The following CSMD1 variants were observed in gnomAD, a reference collection of about 807,000 sequenced individuals.
CSMD1 encodes the protein CUB and sushi domain-containing protein 1.
In CSMD1, 213 loss-of-function variants were observed where a neutral mutation model predicts 417.5. That is an observed-to-expected ratio of 0.51 (90% CI 0.46 to 0.57). The LOEUF is 0.57. Ranked by LOEUF, CSMD1 falls within the 20% of genes least tolerant of loss-of-function variation. CSMD1 has a pLI of 0.00. For missense variants in CSMD1, 6,923 were observed against 4,529.7 expected, an observed-to-expected ratio of 1.53 and a Z score of -15.17; for synonymous variants, 2,862 against 1,736.8, an observed-to-expected ratio of 1.65 and a Z score of -16.11.
intron 26 of CSMD1, among the ~76,000 whole-genome samples, chr8:3,266,804 C>G (rs988856493): frequency 6.7e-6 from 1 of 148,884 alleles, no homozygotes; most frequent in Non-Finnish European, 1.5e-5. Flanking sequence ...AAAAAAGGAC[C>G]ACCCTCAGAT....
At chr8:3,186,017 CT>C (rs904466431) in intron 36 of CSMD1, among the ~76,000 whole-genome samples, 13 of 150,802 alleles carry the variant, frequency 8.6e-5, no homozygotes, top group Admixed American at 5.3e-4. Context: ...TCCCAGGTAG[CT>C]TTTTTTTCTC....
chr8:4,977,464 G>T (rs1810628521), intron 1 of CSMD1, among the ~76,000 whole-genome samples: 1 of 152,172 alleles, frequency 6.6e-6, no homozygotes, highest in African/African-American at 2.4e-5. Flanking sequence ...TGCACATTGG[G>T]AAAGAAGGTC....
intron 3 of CSMD1, among the ~76,000 whole-genome samples, chr8:4,230,601 A>G (rs997524126): frequency 1.3e-5 from 2 of 152,172 alleles, no homozygotes; most frequent in African/African-American, 4.8e-5. Flanking sequence ...CATGGCTGTT[A>G]TGTATCAAGA....
rs758133761 is a variant in CSMD1 at position 2,973,190 on chromosome 8, G to C, written c.8850C>G (p.His2950Gln). The C allele has an allele frequency of 1.2e-6, 2 of 1,613,774 alleles. No individual in the cohort carries two copies. The highest frequency in any genetic ancestry group is 1.7e-6 in the Non-Finnish European group (2 of 1,179,790). The change falls in exon 57 of 70, where the codon CAC (histidine) becomes CAG (glutamine). Residue 2950 changes from histidine to glutamine, a missense_variant. Transcript: ENST00000635120. ...TGCGTTCAGGGGAGCCCCTCAGCTG[G>C]TGCCCCATTTCACAGGAGAAGCGGA... is the stretch of plus-strand genomic sequence containing the variant. ...SLLRFSCEMG[H>Q]QLRGSPERTC...
At chr8:4,547,147 AC>A (rs1466087516) in intron 2 of CSMD1, among the ~76,000 whole-genome samples, 2 of 152,130 alleles carry the variant, frequency 1.3e-5, no homozygotes, top group Non-Finnish European at 2.9e-5. Context: ...ATTTCATCAG[AC>A]CTGCTGTTTT....
At chr8:3,540,494 G>C (rs138865027) in intron 10 of CSMD1, among the ~76,000 whole-genome samples, 2 of 152,236 alleles carry the variant, frequency 1.3e-5, no homozygotes, top group African/African-American at 2.4e-5. Context: ...TGACAAAAAT[G>C]TCAAAAGCAA....
rs551705109 is a variant in CSMD1, at chr8:4,047,028, T to C, written c.416-14929A>G. Among the ~76,000 whole-genome samples the C allele has an allele frequency of 5.9e-5, 9 of 152,276 alleles. No individual in the cohort carries two copies. In the East Asian group the frequency reaches 1.4e-3, roughly 23 times the overall value. ...GACTTAGCCCTATAGGGTTGTGACA[T>C]AGAGGGAACACCTGGAGTCCAAATG... On this transcript the variant is annotated intron_variant, in intron 3 of 69. Transcript: ENST00000635120.
chr8:4,765,270 A>G (rs1354775247), intron 1 of CSMD1, among the ~76,000 whole-genome samples: 2 of 152,202 alleles, frequency 1.3e-5, no homozygotes, highest in African/African-American at 2.4e-5. Flanking sequence ...GTGCCACACA[A>G]AGAGTTTAGC....
chr8:4,069,801 A>G lies in CSMD1; in HGVS notation c.416-37702T>C, dbSNP rs80260358. ...CTGTTTTGGTGTTAAACACGTAATT[A>G]CTCGACAACTCACTACTGAAAGAAT... On this transcript the variant is annotated intron_variant, in intron 3 of 69. Transcript: ENST00000635120. Among the ~76,000 whole-genome samples, 19 of 152,284 alleles carry G rather than the reference A, an allele frequency of 1.2e-4. No homozygotes were observed. The East Asian group carries it at 3.7e-3, about 29-fold the overall frequency.
intron 4 of CSMD1, among the ~76,000 whole-genome samples, chr8:4,022,077 G>A (rs1213704175): frequency 7.5e-6 from 1 of 133,702 alleles, no homozygotes; most frequent in Non-Finnish European, 1.6e-5. Flanking sequence ...ACATATGGGA[G>A]CATGTATCCA....
intron 1 of CSMD1, among the ~76,000 whole-genome samples, chr8:4,755,314 A>G (rs550895341): frequency 2.9e-4 from 44 of 152,222 alleles, no homozygotes; most frequent in African/African-American, 9.6e-4. Context: ...GCACTTGACA[A>G]TCTTATGTTC....
chr8:4,700,721 C>A (rs1055779044), intron 1 of CSMD1, among the ~76,000 whole-genome samples: 1 of 152,000 alleles, frequency 6.6e-6, no homozygotes, highest in East Asian at 1.9e-4. Flanking sequence ...AAAATTATAT[C>A]CATAAAGTCA....
At chr8:4,188,159 A>G (rs1054217246) in intron 3 of CSMD1, among the ~76,000 whole-genome samples, 27 of 152,134 alleles carry the variant, frequency 1.8e-4, no homozygotes, top group Admixed American at 6.5e-4. Flanking sequence ...AACGTATTTA[A>G]ATTGCACGTC....
intron 3 of CSMD1, among the ~76,000 whole-genome samples, chr8:4,118,607 C>G (rs1020777826): frequency 6.6e-6 from 1 of 152,124 alleles, no homozygotes; most frequent in African/African-American, 2.4e-5. Flanking sequence ...GCTGGCAAGG[C>G]TGTGGAGACT....
intron 5 of CSMD1, among the ~76,000 whole-genome samples, chr8:3,897,623 A>C (rs989370494): frequency 6.6e-6 from 1 of 152,132 alleles, no homozygotes; most frequent in Non-Finnish European, 1.5e-5. Context: ...GCAACTCAAA[A>C]TGGACTGCTG....
intron 6 of CSMD1, among the ~76,000 whole-genome samples, chr8:3,715,982 C>A (rs1801808258): frequency 6.6e-6 from 1 of 152,238 alleles, no homozygotes; most frequent in African/African-American, 2.4e-5. Flanking sequence ...CTCTTTGCAT[C>A]TCTTCCCATT....
At chr8:3,064,398 TGAA>T (rs1812784477) in intron 49 of CSMD1, among the ~76,000 whole-genome samples, 2 of 152,134 alleles carry the variant, frequency 1.3e-5, no homozygotes, top group African/African-American at 4.8e-5. Context: ...TGCTGCCATG[TGAA>T]GAAGGGACTT....
intron 1 of CSMD1, among the ~76,000 whole-genome samples, chr8:4,731,903 T>G (rs546123036): frequency 6.6e-6 from 1 of 152,206 alleles, no homozygotes; most frequent in East Asian, 1.9e-4. Flanking sequence ...AATATTACAT[T>G]CTTATAGGGC....
intron 3 of CSMD1, among the ~76,000 whole-genome samples, chr8:4,186,546 G>C (rs781345158): frequency 3.5e-4 from 53 of 152,068 alleles, no homozygotes; most frequent in Middle Eastern, 3.2e-3. Flanking sequence ...AGCATTATAC[G>C]AATATAAAAG....
Sources: gnomAD v4.1 joint callset for allele counts (sites outside exome capture counted in the v4.1 genomes callset) on GRCh38, gnomAD v4.1.1 for gene constraint, MANE v1.5 for transcripts, NCBI Gene and HGNC (gene_info 2026-07-23, HGNC 2026-07-21) for gene names.